Variants in DIAPH2 observed in about 807,000 individuals in gnomAD.
The protein encoded by DIAPH2 is protein diaphanous homolog 2.
DIAPH2 carries 35 observed loss-of-function variants against 92.7 expected under a neutral mutation model. That is an observed-to-expected ratio of 0.38 (90% CI 0.29 to 0.50). The LOEUF (loss-of-function observed/expected upper bound fraction) is 0.50. DIAPH2 is among the 20% of genes least tolerant of loss of function. The probability of loss-of-function intolerance (pLI) is 0.94; values close to 1 mark genes in which losing one functional copy is unlikely to be tolerated. For missense variants in DIAPH2, 701 were observed against 819.5 expected (o/e 0.86, Z 1.77); for synonymous variants, 301 against 280.4 (o/e 1.07, Z -0.73).
At chrX:96,772,485 A>G (rs1191962288) in intron 4 of DIAPH2, among the ~76,000 whole-genome samples, 1 of 111,990 alleles carries the variant, frequency 8.9e-6, no homozygotes, top group Non-Finnish European at 1.9e-5. Flanking sequence ...ACTGATATTC[A>G]TAACATTTAA....
intron 23 of DIAPH2, among the ~76,000 whole-genome samples, chrX:97,320,869 CAT>C (rs1050590222): frequency 9.0e-6 from 1 of 111,217 alleles, no homozygotes; most frequent in Non-Finnish European, 1.9e-5. Flanking sequence ...AAATATATAA[CAT>C]ATTCAGCATA....
intron 4 of DIAPH2, among the ~76,000 whole-genome samples, chrX:96,836,368 G>C (rs965589599): frequency 3.7e-5 from 4 of 109,030 alleles, no homozygotes; most frequent in African/African-American, 1.3e-4. Context: ...ATGCTGTTTG[G>C]TTATAGAATG....
chrX:96,783,044 G>A (rs1362243782), intron 4 of DIAPH2, among the ~76,000 whole-genome samples: 10 of 111,914 alleles, frequency 8.9e-5, no homozygotes, highest in East Asian at 5.6e-4. Context: ...CATTCAATGC[G>A]TACGATCAGT....
chrX:96,728,723 T>C (rs962527262), intron 1 of DIAPH2, among the ~76,000 whole-genome samples: 1 of 112,868 alleles, frequency 8.9e-6, no homozygotes, highest in Non-Finnish European at 1.9e-5. Context: ...GTATCTGTTA[T>C]GTACAAAGTA....
intron 1 of DIAPH2, among the ~76,000 whole-genome samples, chrX:96,706,411 C>A (rs1432918928): frequency 9.0e-6 from 1 of 111,650 alleles, no homozygotes; most frequent in Non-Finnish European, 1.9e-5. Flanking sequence ...AGCTGGGAGA[C>A]CAGAGAGATT....
chrX:96,949,712 T>G (rs1227228978), intron 15 of DIAPH2, among the ~76,000 whole-genome samples: 6 of 93,232 alleles, frequency 6.4e-5, no homozygotes, highest in African/African-American at 2.4e-4. Context: ...AAAAAAAAAT[T>G]AGCCGGGAGT....
At chrX:96,891,960 T>C (rs1429447914) in intron 5 of DIAPH2, among the ~76,000 whole-genome samples, 9 of 112,401 alleles carry the variant, frequency 8.0e-5, no homozygotes, top group Non-Finnish European at 1.7e-4. Context: ...TATTTGATGC[T>C]ATCTTCCCTT....
At chrX:97,126,945 T>C (rs1569307471) in intron 21 of DIAPH2, among the ~76,000 whole-genome samples, 1 of 112,742 alleles carries the variant, frequency 8.9e-6, no homozygotes, top group Non-Finnish European at 1.9e-5. Flanking sequence ...GAATTTTAAA[T>C]CTGAATTATC....
intron 1 of DIAPH2, among the ~76,000 whole-genome samples, chrX:96,695,656 A>T (rs1298799062): frequency 8.9e-6 from 1 of 112,043 alleles, no homozygotes; most frequent in Non-Finnish European, 1.9e-5. Flanking sequence ...TTGTAGATCA[A>T]GATATGTTAC....
chrX:97,297,185 T>G (rs1474323996), intron 23 of DIAPH2, among the ~76,000 whole-genome samples: 1 of 99,485 alleles, frequency 1.0e-5, no homozygotes, highest in Non-Finnish European at 2.0e-5. Context: ...GCTAACCAAG[T>G]CTGACATATA....
intron 17 of DIAPH2, among the ~76,000 whole-genome samples, chrX:96,975,063 C>A (rs1220026304): frequency 9.0e-6 from 1 of 111,203 alleles, no homozygotes; most frequent in Non-Finnish European, 1.9e-5. Flanking sequence ...TGAAATTTAG[C>A]TTTAATAATA....
intron 23 of DIAPH2, among the ~76,000 whole-genome samples, chrX:97,255,429 G>A (rs2068228969): frequency 9.0e-6 from 1 of 111,311 alleles, no homozygotes; most frequent in Non-Finnish European, 1.9e-5. Flanking sequence ...TGGTTTGCCT[G>A]TACTCTGTTC....
At position 97,540,696 on chromosome X, in the gene DIAPH2, C is replaced by G. The variant is rs2071133223; in HGVS notation, c.3242-58557C>G. Among the ~76,000 whole-genome samples, 4 of 111,710 alleles carry G rather than the reference C, an allele frequency of 3.6e-5. No individual in the cohort carries two copies. In the Admixed American group the frequency reaches 3.8e-4, roughly 11 times the overall value. On this transcript the variant is annotated intron_variant, in intron 26 of 26. Transcript: ENST00000324765. ...CAATTAGAAGATATAAATAAATATACAAATCAATCACGTATAAAATGGTAG... is the reference window on the plus strand; with the variant it reads ...CAATTAGAAGATATAAATAAATATAGAAATCAATCACGTATAAAATGGTAG...
intron 25 of DIAPH2, among the ~76,000 whole-genome samples, chrX:97,385,888 A>C (rs1393272280): frequency 8.9e-6 from 1 of 112,411 alleles, no homozygotes; most frequent in Non-Finnish European, 1.9e-5. Flanking sequence ...GGCACAGAGA[A>C]GTTAAGTAAC....
At chrX:97,272,910 C>CT (rs1287912776) in intron 23 of DIAPH2, among the ~76,000 whole-genome samples, 3 of 112,064 alleles carry the variant, frequency 2.7e-5, no homozygotes, top group African/African-American at 9.7e-5. Flanking sequence ...AATCCCAGCA[C>CT]TTTGGGAGGC....
chrX:97,388,663 A>G (rs1206893177), intron 25 of DIAPH2, among the ~76,000 whole-genome samples: 2 of 111,717 alleles, frequency 1.8e-5, no homozygotes, highest in African/African-American at 6.5e-5. Context: ...TTGATCTCAG[A>G]ACCCATTTAC....
chrX:96,813,103 C>G (rs1439356540), intron 4 of DIAPH2, among the ~76,000 whole-genome samples: 3 of 111,214 alleles, frequency 2.7e-5, no homozygotes, highest in Admixed American at 9.6e-5. Flanking sequence ...ATTGATCTGT[C>G]TAATGTTGAC....
intron 23 of DIAPH2, among the ~76,000 whole-genome samples, chrX:97,296,355 A>G (rs1330365725): frequency 9.0e-6 from 1 of 111,469 alleles, no homozygotes; most frequent in African/African-American, 3.3e-5. Flanking sequence ...CTGAAACACC[A>G]TTCTCTTTAT....
chrX:97,396,815 C>T (rs781133622), intron 25 of DIAPH2, among the ~76,000 whole-genome samples: 29 of 111,244 alleles, frequency 2.6e-4, no homozygotes, highest in Non-Finnish European at 4.7e-4. Context: ...CACTATTAAC[C>T]TATTTCAGGG....
Sources: allele counts gnomAD v4.1 joint callset (sites outside exome capture counted in the v4.1 genomes callset), GRCh38; gene constraint gnomAD v4.1.1; transcripts MANE v1.5; gene names NCBI Gene and HGNC (gene_info 2026-07-23, HGNC 2026-07-21).